The following PSD3 variants were observed in gnomAD, a reference collection of about 807,000 sequenced individuals.
The protein encoded by PSD3 is PH and SEC7 domain-containing protein 3.
In PSD3, 49 loss-of-function variants were observed where a neutral mutation model predicts 105.5. The observed-to-expected ratio is 0.46, with a 90% CI of 0.37 to 0.59. The LOEUF (loss-of-function observed/expected upper bound fraction) is 0.59. PSD3 is among the 20% of genes least tolerant of loss of function. The pLI, the probability that PSD3 is intolerant of heterozygous loss-of-function variation, is 0.00. For synonymous variants in PSD3, 557 were observed against 457.8 expected (o/e 1.22, Z -2.77); for missense variants, 1,561 against 1,263.8 (o/e 1.24, Z -3.57).
At chr8:18,586,453 A>C (rs1437454521) in intron 12 of PSD3, among the ~76,000 whole-genome samples, 2 of 152,290 alleles carry the variant, frequency 1.3e-5, no homozygotes, top group Middle Eastern at 3.4e-3. Flanking sequence ...ATACGCTATT[A>C]CGTAGTTGAG....
At chr8:18,797,230 G>A (rs1002914730) in intron 8 of PSD3, among the ~76,000 whole-genome samples, 17 of 152,108 alleles carry the variant, frequency 1.1e-4, no homozygotes, top group East Asian at 1.9e-4. Context: ...CAAGTATATC[G>A]CACACATTTT....
chr8:18,631,436 T>G (rs565197522), intron 11 of PSD3, among the ~76,000 whole-genome samples: 1 of 152,088 alleles, frequency 6.6e-6, no homozygotes, highest in Non-Finnish European at 1.5e-5. Flanking sequence ...AACAATCCTC[T>G]TTGGTGTCAA....
At chr8:18,815,117 A>AT (rs1448456295) in intron 4 of PSD3, among the ~76,000 whole-genome samples, 1 of 152,160 alleles carries the variant, frequency 6.6e-6, no homozygotes, top group East Asian at 1.9e-4. Context: ...TGATTAGGTA[A>AT]TAAATGCTAC....
chr8:18,802,852 T>G (rs754894632), intron 6 of PSD3, among the ~76,000 whole-genome samples: 1 of 152,224 alleles, frequency 6.6e-6, no homozygotes, highest in Non-Finnish European at 1.5e-5. Flanking sequence ...AAAGTGAGAA[T>G]CAGTGAGTTT....
At chr8:18,911,311 C>T (rs1226385107) in intron 2 of PSD3, among the ~76,000 whole-genome samples, 1 of 152,104 alleles carries the variant, frequency 6.6e-6, no homozygotes, top group East Asian at 1.9e-4. Context: ...AGAACAAAGC[C>T]AGAAGTATAG....
At chr8:18,703,710 GT>G (rs1801724152) in intron 9 of PSD3, among the ~76,000 whole-genome samples, 1 of 152,114 alleles carries the variant, frequency 6.6e-6, no homozygotes, top group Non-Finnish European at 1.5e-5. Flanking sequence ...CTAACCTTTA[GT>G]TGTTTATTTT....
chr8:19,025,092 C>T (rs1827500413), intron 1 of PSD3, among the ~76,000 whole-genome samples: 1 of 152,006 alleles, frequency 6.6e-6, no homozygotes, highest in Non-Finnish European at 1.5e-5. Context: ...CCAATAAGAC[C>T]CTGAAAAGCA....
chr8:18,811,045 C>G (rs1281494345), intron 4 of PSD3, among the ~76,000 whole-genome samples: 1 of 152,218 alleles, frequency 6.6e-6, no homozygotes, highest in Non-Finnish European at 1.5e-5. Context: ...AGCACATCAT[C>G]TAATTCCCAA....
intron 10 of PSD3, among the ~76,000 whole-genome samples, chr8:18,653,140 C>T (rs1808637903): frequency 6.6e-6 from 1 of 152,064 alleles, no homozygotes; most frequent in African/African-American, 2.4e-5. Context: ...CTTGATAGAG[C>T]AGTACTTCTT....
chr8:18,974,841 G>C (rs768360333), intron 1 of PSD3, among the ~76,000 whole-genome samples: 1 of 151,988 alleles, frequency 6.6e-6, no homozygotes, highest in Non-Finnish European at 1.5e-5. Context: ...ACTACAGCCT[G>C]GTATTTCCTT....
chr8:18,845,632 C>G (rs1356673767), intron 4 of PSD3, among the ~76,000 whole-genome samples: 1 of 152,150 alleles, frequency 6.6e-6, no homozygotes, highest in Non-Finnish European at 1.5e-5. Context: ...CCTACTGCAG[C>G]ATCAATTAGA....
chr8:18,731,256 C>CAAAAAA (rs1218138996), intron 9 of PSD3, among the ~76,000 whole-genome samples: 3 of 152,152 alleles, frequency 2.0e-5, no homozygotes, highest in African/African-American at 7.2e-5. Context: ...AACTCTGTCT[C>CAAAAAA]AAAAACAAAA....
At chr8:18,957,241 C>T (rs372037570) in intron 1 of PSD3, among the ~76,000 whole-genome samples, 7 of 151,938 alleles carry the variant, frequency 4.6e-5, no homozygotes, top group Middle Eastern at 3.4e-3. Context: ...CATGGTGGCG[C>T]GCGCCTGTAG....
At chr8:18,592,685 CAAAA>C (rs145657378) in intron 12 of PSD3, among the ~76,000 whole-genome samples, 3,463 of 151,912 alleles carry the variant, frequency 0.023, 136 homozygotes, top group African/African-American at 0.08. Flanking sequence ...TCAAGGTGCT[CAAAA>C]AAACAAACAA....
chr8:19,061,614 T>C (rs976880118), intron 1 of PSD3, among the ~76,000 whole-genome samples: 2 of 152,140 alleles, frequency 1.3e-5, no homozygotes, highest in Non-Finnish European at 2.9e-5. Flanking sequence ...AAGACCACTC[T>C]GACCAATGTG....
intron 4 of PSD3, among the ~76,000 whole-genome samples, chr8:18,817,308 C>T (rs1247705746): frequency 1.3e-5 from 2 of 152,132 alleles, no homozygotes; most frequent in African/African-American, 4.8e-5. Context: ...TTTCGCAGTT[C>T]CCCCTGTAAT....
chr8:18,900,189 T>G (rs1289910744), intron 2 of PSD3, among the ~76,000 whole-genome samples: 1 of 152,128 alleles, frequency 6.6e-6, no homozygotes, highest in African/African-American at 2.4e-5. Context: ...GGCATTACAT[T>G]CTCCAAGTTT....
chr8:18,879,043 C>T (rs1563377950), intron 2 of PSD3, among the ~76,000 whole-genome samples: 2 of 136,510 alleles, frequency 1.5e-5, no homozygotes, highest in African/African-American at 5.6e-5. Flanking sequence ...AACAAACACA[C>T]ACACACAAAC....
chr8:18,873,932 T>C (rs1817557384), intron 2 of PSD3, among the ~76,000 whole-genome samples: 1 of 152,218 alleles, frequency 6.6e-6, no homozygotes, highest in African/African-American at 2.4e-5. Context: ...CTTGTTAAAA[T>C]GATAGCCAGT....
Sources: gnomAD v4.1 joint callset for allele counts (sites outside exome capture counted in the v4.1 genomes callset) on GRCh38, gnomAD v4.1.1 for gene constraint, MANE v1.5 for transcripts, NCBI Gene and HGNC (gene_info 2026-07-23, HGNC 2026-07-21) for gene names.